The following NPAS3 variants were observed in gnomAD, a reference collection of about 807,000 sequenced individuals.
NPAS3 encodes the protein neuronal PAS domain protein 3, also known as neuronal PAS domain-containing protein 3.
Under a neutral mutation model 73.1 loss-of-function variants are expected in NPAS3, and 14 were observed. That is an observed-to-expected ratio of 0.19 (90% confidence interval 0.13 to 0.30). NPAS3 has a LOEUF of 0.30. Among genes scored for constraint, NPAS3 ranks in the 10% least tolerant of loss-of-function variants. The pLI is 1.00. For synonymous variants in NPAS3, 620 were observed against 541.5 expected (o/e 1.14, Z -2.01); for missense variants, 1,096 against 1,250.0 (o/e 0.88, Z 1.86).
chr14:33,338,893 G>A (rs546027667), intron 3 of NPAS3, among the ~76,000 whole-genome samples: 5 of 152,012 alleles, frequency 3.3e-5, no homozygotes, highest in African/African-American at 1.2e-4. Context: ...TTTGCATTAG[G>A]CTTTCTGAAA....
intron 3 of NPAS3, among the ~76,000 whole-genome samples, chr14:33,360,736 G>A (rs1436753246): frequency 1.3e-5 from 2 of 152,136 alleles, no homozygotes; most frequent in Non-Finnish European, 2.9e-5. Context: ...ATTAGTAACA[G>A]CACTTTTGGA....
At chr14:33,157,919 A>G (rs1453865533) in intron 2 of NPAS3, among the ~76,000 whole-genome samples, 1 of 152,218 alleles carries the variant, frequency 6.6e-6, no homozygotes, top group Non-Finnish European at 1.5e-5. Context: ...ACATGAAGAT[A>G]ACACTAGTGC....
chr14:33,018,806 C>T (rs1479597661), intron 1 of NPAS3, among the ~76,000 whole-genome samples: 2 of 151,930 alleles, frequency 1.3e-5, no homozygotes, highest in Non-Finnish European at 2.9e-5. Context: ...CATTTCTTCC[C>T]TTATTGAAGG....
At chr14:33,210,486 A>G (rs912156004) in intron 2 of NPAS3, among the ~76,000 whole-genome samples, 2 of 152,150 alleles carry the variant, frequency 1.3e-5, no homozygotes, top group Admixed American at 1.3e-4. Context: ...ACTTCTGGGC[A>G]CCACTTGTCC....
intron 3 of NPAS3, among the ~76,000 whole-genome samples, chr14:33,356,992 C>A (rs565999704): frequency 3.7e-4 from 56 of 152,306 alleles, no homozygotes; most frequent in African/African-American, 1.3e-3. Context: ...TACTAATCTG[C>A]ATTCTCCAAA....
intron 4 of NPAS3, among the ~76,000 whole-genome samples, chr14:33,521,919 G>T (rs917844485): frequency 1.3e-5 from 2 of 152,082 alleles, no homozygotes; most frequent in African/African-American, 4.8e-5. Flanking sequence ...GTTTACATTG[G>T]CTGGAATATC....
intron 6 of NPAS3, among the ~76,000 whole-genome samples, chr14:33,711,879 C>G (rs1204087464): frequency 6.6e-6 from 1 of 152,094 alleles, no homozygotes; most frequent in Non-Finnish European, 1.5e-5. Context: ...CCTCCCAGTT[C>G]TGCACGGCTG....
chr14:33,154,942 T>A (rs1389184372), intron 2 of NPAS3, among the ~76,000 whole-genome samples: 1 of 152,228 alleles, frequency 6.6e-6, no homozygotes, highest in African/African-American at 2.4e-5. Flanking sequence ...GGTAAAGATT[T>A]CCATGTTTCT....
chr14:33,558,347 T>G (rs1208147222), intron 4 of NPAS3, among the ~76,000 whole-genome samples: 1 of 151,962 alleles, frequency 6.6e-6, no homozygotes, highest in African/African-American at 2.4e-5. Context: ...TGCAACCTCC[T>G]CCTCCCGGGC....
At chr14:33,688,832 A>ATGG (rs2060157937) in intron 6 of NPAS3, among the ~76,000 whole-genome samples, 1 of 152,214 alleles carries the variant, frequency 6.6e-6, no homozygotes, top group African/African-American at 2.4e-5. Flanking sequence ...CCATGATAAC[A>ATGG]ATACAGCAGT....
intron 1 of NPAS3, among the ~76,000 whole-genome samples, chr14:33,023,190 A>G (rs1404707792): frequency 2.0e-5 from 3 of 152,158 alleles, no homozygotes; most frequent in Non-Finnish European, 4.4e-5. Context: ...CACATTTCAC[A>G]TCTCTGACAC....
chr14:33,712,126 A>C (rs2140499412), intron 6 of NPAS3, among the ~76,000 whole-genome samples: 1 of 152,252 alleles, frequency 6.6e-6, no homozygotes, highest in African/African-American at 2.4e-5. Flanking sequence ...TTGTTCTAAA[A>C]ATTCCCATCA....
At chr14:33,325,587 C>T (rs2043662962) in intron 3 of NPAS3, among the ~76,000 whole-genome samples, 1 of 146,320 alleles carries the variant, frequency 6.8e-6, no homozygotes, top group African/African-American at 2.6e-5. Context: ...GTGGAGGTTG[C>T]AGTGAGTCAA....
At chr14:33,148,840 A>C (rs2044341557) in intron 2 of NPAS3, among the ~76,000 whole-genome samples, 1 of 152,012 alleles carries the variant, frequency 6.6e-6, no homozygotes, top group South Asian at 2.1e-4. Flanking sequence ...GATGCATGCC[A>C]CCACACCCTG....
chr14:33,369,202 T>A (rs752739918), intron 4 of NPAS3, among the ~76,000 whole-genome samples: 24 of 152,034 alleles, frequency 1.6e-4, no homozygotes, highest in Non-Finnish European at 2.2e-4. Context: ...TGGGTCACAT[T>A]CAGACACCAC....
intron 4 of NPAS3, among the ~76,000 whole-genome samples, chr14:33,506,106 C>T (rs945625218): frequency 1.4e-4 from 22 of 151,982 alleles, no homozygotes; most frequent in African/African-American, 4.3e-4. Flanking sequence ...CTCCTTACCC[C>T]GCTTTATTTT....
intron 1 of NPAS3, among the ~76,000 whole-genome samples, chr14:32,967,592 G>A (rs1480633009): frequency 1.3e-5 from 2 of 152,110 alleles, no homozygotes; most frequent in African/African-American, 2.4e-5. Context: ...ATAAATGTTC[G>A]ATGTCACTAA....
At chr14:33,236,077 C>T (rs913209727) in intron 3 of NPAS3, among the ~76,000 whole-genome samples, 1 of 151,954 alleles carries the variant, frequency 6.6e-6, no homozygotes, top group Admixed American at 6.6e-5. Context: ...AGGTTCTGTA[C>T]ACCCAGCCCC....
At chr14:33,414,973 C>T (rs563622762) in intron 4 of NPAS3, among the ~76,000 whole-genome samples, 2 of 152,194 alleles carry the variant, frequency 1.3e-5, no homozygotes, top group Non-Finnish European at 2.9e-5. Flanking sequence ...ATCATTAAGA[C>T]ATGCTGAAAG....
Sources: gnomAD v4.1 joint callset for allele counts (sites outside exome capture counted in the v4.1 genomes callset) on GRCh38, gnomAD v4.1.1 for gene constraint, MANE v1.5 for transcripts, NCBI Gene and HGNC (gene_info 2026-07-23, HGNC 2026-07-21) for gene names.